The following KIAA0040 variants were observed in gnomAD, a reference collection of about 807,000 sequenced individuals.
KIAA0040 encodes uncharacterized protein KIAA0040.
KIAA0040 carries 10 observed loss-of-function variants against 7.2 expected under a neutral mutation model. The ratio of observed to expected loss-of-function variants is 1.38; its 90% CI spans 0.85 to 2.34. KIAA0040 has a LOEUF of 2.34. Among genes scored for constraint, KIAA0040 ranks in the 30% most tolerant of loss-of-function variants. The pLI, the probability that KIAA0040 is intolerant of heterozygous loss-of-function variation, is 0.00. For missense variants in KIAA0040, 89 were observed against 108.2 expected (o/e 0.82, Z 0.79); for synonymous variants, 49 against 40.1 (o/e 1.22, Z -0.84).
chr1:175,190,413 C>G (rs537820420), intron 1 of KIAA0040, among the ~76,000 whole-genome samples: 2 of 152,332 alleles, frequency 1.3e-5, no homozygotes, highest in South Asian at 4.1e-4. Flanking sequence ...CCTGTATACC[C>G]AACTGCTTAT....
At chr1:175,168,211 T>C (rs1676847710) in intron 2 of KIAA0040, among the ~76,000 whole-genome samples, 1 of 152,190 alleles carries the variant, frequency 6.6e-6, no homozygotes, top group South Asian at 2.1e-4. Flanking sequence ...TGCCCTCTAA[T>C]AGAGGTAAGT....
chr1:175,172,811 G>A (rs759312231), intron 2 of KIAA0040, among the ~76,000 whole-genome samples: 1 of 152,222 alleles, frequency 6.6e-6, no homozygotes, highest in Non-Finnish European at 1.5e-5. Context: ...ATGAATTAAT[G>A]CATCGCTGGG....
chr1:175,189,440 C>T (rs1463175010), intron 1 of KIAA0040, among the ~76,000 whole-genome samples: 1 of 152,160 alleles, frequency 6.6e-6, no homozygotes, highest in Non-Finnish European at 1.5e-5. Flanking sequence ...CAAAGACTCC[C>T]AGGAGTCCTT....
chr1:175,166,082 G>A (rs886453554), intron 3 of KIAA0040, among the ~76,000 whole-genome samples: 3 of 152,144 alleles, frequency 2.0e-5, no homozygotes, highest in East Asian at 1.9e-4. Context: ...GGGGAGGTGG[G>A]AGGTTCAGTT....
intron 1 of KIAA0040, among the ~76,000 whole-genome samples, chr1:175,184,987 G>A (rs1270571619): frequency 6.6e-6 from 1 of 152,218 alleles, no homozygotes; most frequent in African/African-American, 2.4e-5. Context: ...CTGGTGAAGA[G>A]CACTTAGCTC....
chr1:175,179,907 C>T (rs528504803), intron 1 of KIAA0040, among the ~76,000 whole-genome samples: 25 of 152,312 alleles, frequency 1.6e-4, no homozygotes, highest in Middle Eastern at 3.4e-3. Context: ...ATGCTTTCTG[C>T]GCTAAAGTTA....
chr1:175,183,752 C>G (rs1677538496), intron 1 of KIAA0040, among the ~76,000 whole-genome samples: 1 of 152,214 alleles, frequency 6.6e-6, no homozygotes. Context: ...GATCCCAGCA[C>G]AGACTAATCC....
At chr1:175,186,511 A>G (rs541176912) in intron 1 of KIAA0040, among the ~76,000 whole-genome samples, 2 of 152,314 alleles carry the variant, frequency 1.3e-5, no homozygotes, top group East Asian at 3.9e-4. Context: ...TCTGTGGCAC[A>G]TGCTCTGTGA....
At chr1:175,188,180 T>G (rs915221547) in intron 1 of KIAA0040, among the ~76,000 whole-genome samples, 3 of 152,168 alleles carry the variant, frequency 2.0e-5, no homozygotes, top group Admixed American at 6.5e-5. Context: ...GGGTGGGGAT[T>G]GGGTTTGGAT....
intron 3 of KIAA0040, among the ~76,000 whole-genome samples, chr1:175,165,346 T>A (rs1039259944): frequency 6.6e-6 from 1 of 152,214 alleles, no homozygotes; most frequent in Non-Finnish European, 1.5e-5. Flanking sequence ...ATCAAAATGA[T>A]TCAATATATT....
At position 175,157,705 on chromosome 1, in the gene KIAA0040, A is replaced by C. The variant is rs1398384270; in HGVS notation, c.*3009T>G. 1 of 152,046 alleles carries C rather than the reference A, an allele frequency of 6.6e-6. No individual in the cohort carries two copies. Among genetic ancestry groups the C allele is most frequent in the East Asian group, 1.9e-4 (1 of 5,172 alleles). The allele number at this position is 152,046 out of a possible 1,614,324, so 9.4% of individuals were successfully genotyped here. A position where few individuals can be genotyped will look rare whatever the true frequency, so the allele number is the denominator to read the frequency against. The stretch of plus-strand genomic sequence containing the variant: ...CTCCCTGCTCCCCCCAAGAAAAAGA[A>C]ACATGGAATCCATTGAGCAATGGGG... On this transcript the variant is annotated 3_prime_UTR_variant, in exon 4 of 4. Transcript: ENST00000423313.
rs138945604 is a variant in KIAA0040 at position 175,159,193 on chromosome 1, C to G, written c.*1521G>C. On this transcript the variant is annotated 3_prime_UTR_variant, in exon 4 of 4. Coordinates refer to ENST00000423313, the MANE Select transcript of KIAA0040 (RefSeq NM_014656.3). Reference sequence around the variant, plus strand: ...TACAGTCACAATACAATAAAAATACCAAGCAGTTCATCCTATAAGTGGATT... The same window carrying G: ...TACAGTCACAATACAATAAAAATACGAAGCAGTTCATCCTATAAGTGGATT... The G allele has an allele frequency of 2.0e-5, 3 of 152,238 alleles. No individual in the cohort carries two copies. Among genetic ancestry groups the G allele is most frequent in the African/African-American group, 7.2e-5 (3 of 41,522 alleles). The allele number at this position is 152,238 out of a possible 1,614,324, so 9.4% of individuals were successfully genotyped here. A position where few individuals can be genotyped will look rare whatever the true frequency, so the allele number is the denominator to read the frequency against.
intron 2 of KIAA0040, among the ~76,000 whole-genome samples, chr1:175,175,459 T>A (rs1402099293): frequency 6.6e-6 from 1 of 151,262 alleles, no homozygotes; most frequent in Non-Finnish European, 1.5e-5. Flanking sequence ...ATTGTGGAAG[T>A]CAGTGTGGCG....
chr1:175,179,157 A>G (rs1677338458), intron 1 of KIAA0040, among the ~76,000 whole-genome samples: 1 of 152,144 alleles, frequency 6.6e-6, no homozygotes, highest in Non-Finnish European at 1.5e-5. Context: ...GGCAGCGAAG[A>G]AGGCTTCTAA....
intron 1 of KIAA0040, among the ~76,000 whole-genome samples, chr1:175,187,237 C>T (rs997741539): frequency 2.0e-5 from 3 of 152,170 alleles, no homozygotes; most frequent in Non-Finnish European, 4.4e-5. Flanking sequence ...ATTCAACAAG[C>T]GGTTACTGAG....
chr1:175,182,628 T>C (rs1202781927), intron 1 of KIAA0040, among the ~76,000 whole-genome samples: 2 of 152,212 alleles, frequency 1.3e-5, no homozygotes, highest in Non-Finnish European at 2.9e-5. Context: ...CTCACCCAGC[T>C]TGTGTGACCC....
chr1:175,188,329 T>C (rs1393727175), intron 1 of KIAA0040, among the ~76,000 whole-genome samples: 1 of 152,192 alleles, frequency 6.6e-6, no homozygotes, highest in African/African-American at 2.4e-5. Flanking sequence ...TTCAGATGGC[T>C]CAGACTGATG....
chr1:175,168,673 G>A (rs1264666510), intron 2 of KIAA0040, among the ~76,000 whole-genome samples: 3 of 152,198 alleles, frequency 2.0e-5, no homozygotes, highest in Non-Finnish European at 4.4e-5. Context: ...TCTTGCGGGA[G>A]ATCACCCAGC....
chr1:175,183,925 G>C (rs754958661), intron 1 of KIAA0040, among the ~76,000 whole-genome samples: 5 of 152,188 alleles, frequency 3.3e-5, no homozygotes, highest in African/African-American at 4.8e-5. Flanking sequence ...TGTAGTGTCA[G>C]GTACACATAG....
Sources: allele counts gnomAD v4.1 joint callset (sites outside exome capture counted in the v4.1 genomes callset), GRCh38; gene constraint gnomAD v4.1.1; transcripts MANE v1.5; gene names NCBI Gene and HGNC (gene_info 2026-07-23, HGNC 2026-07-21).